ARHGAP15: variants seen among roughly 807,000 people sequenced by gnomAD.
ARHGAP15 encodes the protein rho GTPase-activating protein 15.
Under a neutral mutation model 63.7 loss-of-function variants are expected in ARHGAP15, and 51 were observed. The observed-to-expected ratio is 0.80, with a 90% CI of 0.64 to 1.01. The LOEUF is 1.01. ARHGAP15 is among the 50% of genes least tolerant of loss of function. The probability of loss-of-function intolerance (pLI) is 0.00; values close to 1 mark genes in which losing one functional copy is unlikely to be tolerated. For missense variants in ARHGAP15, 560 were observed against 564.6 expected, an observed-to-expected ratio of 0.99 and a Z score of 0.08; for synonymous variants, 191 against 193.8, an observed-to-expected ratio of 0.99 and a Z score of 0.12.
At chr2:143,604,872 A>G (rs1203380745) in intron 11 of ARHGAP15, among the ~76,000 whole-genome samples, 1 of 152,060 alleles carries the variant, frequency 6.6e-6, no homozygotes, top group Non-Finnish European at 1.5e-5. Flanking sequence ...CGTGCATAGC[A>G]TAATATTTTA....
At chr2:143,605,053 T>C (rs1411201285) in intron 11 of ARHGAP15, among the ~76,000 whole-genome samples, 2 of 152,012 alleles carry the variant, frequency 1.3e-5, no homozygotes, top group Non-Finnish European at 2.9e-5. Context: ...GGATTACAGA[T>C]ATGCACCACC....
At chr2:143,557,741 C>T (rs1047572575) in intron 11 of ARHGAP15, among the ~76,000 whole-genome samples, 1 of 152,056 alleles carries the variant, frequency 6.6e-6, no homozygotes, top group East Asian at 1.9e-4. Flanking sequence ...TGTTAACTCT[C>T]TGTACTTTCT....
intron 3 of ARHGAP15, among the ~76,000 whole-genome samples, chr2:143,204,049 A>G (rs572382033): frequency 1.1e-3 from 163 of 152,202 alleles, no homozygotes; most frequent in Non-Finnish European, 2.2e-3. Flanking sequence ...CAAAACACTA[A>G]AAGTCATCTT....
intron 6 of ARHGAP15, among the ~76,000 whole-genome samples, chr2:143,272,920 T>C (rs1681362867): frequency 6.6e-6 from 1 of 152,176 alleles, no homozygotes; most frequent in Non-Finnish European, 1.5e-5. Context: ...CTCTATATGA[T>C]GGAATTTTTT....
At chr2:143,520,832 C>T (rs1694032824) in intron 10 of ARHGAP15, among the ~76,000 whole-genome samples, 2 of 152,088 alleles carry the variant, frequency 1.3e-5, no homozygotes, top group African/African-American at 2.4e-5. Context: ...CCAAATAGGG[C>T]GTTGGGGAAG....
chr2:143,334,392 A>G (rs1295835014), intron 6 of ARHGAP15, among the ~76,000 whole-genome samples: 1 of 152,168 alleles, frequency 6.6e-6, no homozygotes, highest in Non-Finnish European at 1.5e-5. Context: ...TTAATCTTAC[A>G]TGACTCACAA....
chr2:143,692,219 G>T (rs559960196), intron 12 of ARHGAP15, among the ~76,000 whole-genome samples: 22 of 152,292 alleles, frequency 1.4e-4, no homozygotes, highest in East Asian at 1.3e-3. Flanking sequence ...GGGGCAGGGA[G>T]GGTAGGGTTA....
At chr2:143,351,109 A>G (rs1685550349) in intron 6 of ARHGAP15, 1 of 152,274 alleles carries the variant, frequency 6.6e-6, no homozygotes, top group Admixed American at 6.5e-5. Flanking sequence ...AAGTTTAAGA[A>G]TGGATGCCGT....
intron 11 of ARHGAP15, among the ~76,000 whole-genome samples, chr2:143,623,208 C>A (rs559019023): frequency 6.6e-6 from 1 of 152,178 alleles, no homozygotes; most frequent in Non-Finnish European, 1.5e-5. Context: ...CAAGATGTCC[C>A]TTTCAGACGT....
intron 6 of ARHGAP15, among the ~76,000 whole-genome samples, chr2:143,297,920 C>T (rs1682718251): frequency 6.6e-6 from 1 of 152,002 alleles, no homozygotes. Flanking sequence ...AACACAGTAT[C>T]TCATTTAATC....
intron 10 of ARHGAP15, among the ~76,000 whole-genome samples, chr2:143,535,206 A>T (rs923715816): frequency 6.6e-6 from 1 of 152,122 alleles, no homozygotes; most frequent in Non-Finnish European, 1.5e-5. Context: ...GGATAATAGC[A>T]ACCACTCTTT....
chr2:143,534,776 G>C (rs569800048), intron 10 of ARHGAP15, among the ~76,000 whole-genome samples: 12 of 152,054 alleles, frequency 7.9e-5, no homozygotes, highest in African/African-American at 2.9e-4. Context: ...CCAGCTACTT[G>C]AGAGCCTGAG....
intron 12 of ARHGAP15, among the ~76,000 whole-genome samples, chr2:143,700,803 G>A (rs970095591): frequency 1.3e-5 from 2 of 152,058 alleles, no homozygotes; most frequent in Admixed American, 6.6e-5. Context: ...TCTGACCTGG[G>A]CATACTATGC....
intron 6 of ARHGAP15, among the ~76,000 whole-genome samples, chr2:143,388,597 T>C (rs976009938): frequency 6.6e-6 from 1 of 152,180 alleles, no homozygotes. Context: ...TAGGGAGGCA[T>C]CGTGTATGTA....
At chr2:143,658,874 A>C (rs958921372) in intron 12 of ARHGAP15, among the ~76,000 whole-genome samples, 2 of 152,244 alleles carry the variant, frequency 1.3e-5, no homozygotes, top group East Asian at 3.8e-4. Context: ...CATTTGAGTT[A>C]ATCACAGCTT....
chr2:143,417,010 A>G (rs1276794176), intron 6 of ARHGAP15, among the ~76,000 whole-genome samples: 1 of 152,112 alleles, frequency 6.6e-6, no homozygotes, highest in African/African-American at 2.4e-5. Flanking sequence ...GATTCTGCGA[A>G]GTCTCTGTGG....
At chr2:143,241,139 A>G (rs368967826) in intron 5 of ARHGAP15, among the ~76,000 whole-genome samples, 2 of 152,306 alleles carry the variant, frequency 1.3e-5, no homozygotes, top group East Asian at 3.9e-4. Context: ...TTTTTAATTT[A>G]TAGAGTATAT....
chr2:143,455,104 A>G (rs972387192), intron 8 of ARHGAP15, among the ~76,000 whole-genome samples: 3 of 152,046 alleles, frequency 2.0e-5, no homozygotes, highest in Non-Finnish European at 4.4e-5. Flanking sequence ...AAGGAAGTAA[A>G]GGAATAAAAG....
intron 8 of ARHGAP15, among the ~76,000 whole-genome samples, chr2:143,464,602 G>A (rs976250534): frequency 3.3e-5 from 5 of 152,224 alleles, no homozygotes; most frequent in Non-Finnish European, 5.9e-5. Context: ...AAATTTCTAT[G>A]ACAAATTCTA....
Sources: allele counts gnomAD v4.1 joint callset (sites outside exome capture counted in the v4.1 genomes callset), GRCh38; gene constraint gnomAD v4.1.1; transcripts MANE v1.5; gene names NCBI Gene and HGNC (gene_info 2026-07-23, HGNC 2026-07-21).